The following WDR1 variants were observed in gnomAD, a reference collection of about 807,000 sequenced individuals.
WDR1 encodes the protein WD repeat-containing protein 1.
A neutral mutation model predicts 71.9 loss-of-function variants in WDR1; 21 were observed. The ratio of observed to expected loss-of-function variants is 0.29; its 90% CI spans 0.21 to 0.42. The LOEUF (loss-of-function observed/expected upper bound fraction) is 0.42, where lower values mean the gene tolerates loss of function less well. Among genes scored for constraint, WDR1 ranks in the 10% least tolerant of loss-of-function variants. The pLI, the probability that WDR1 is intolerant of heterozygous loss-of-function variation, is 1.00. For missense variants in WDR1, 696 were observed against 824.5 expected, an observed-to-expected ratio of 0.84 and a Z score of 1.91; for synonymous variants, 424 against 347.4, an observed-to-expected ratio of 1.22 and a Z score of -2.45.
intron 2 of WDR1, among the ~76,000 whole-genome samples, chr4:10,104,631 T>C (rs976343408): frequency 1.3e-5 from 2 of 152,206 alleles, no homozygotes; most frequent in South Asian, 4.1e-4. Flanking sequence ...GGTTTCAACA[T>C]GTAATGTGCT....
rs372890332 is a variant in WDR1, at chr4:10,083,144, G to C, written c.1074C>G (p.Ser358=). ...GGTTCGTGTGGCCTTTCCCAGCGAAGGAGTCGTTCTCCCCCGTCTCTGAAT... is the reference window on the plus strand; with the variant it reads ...GGTTCGTGTGGCCTTTCCCAGCGAACGAGTCGTTCTCCCCCGTCTCTGAAT... The part of the protein sequence containing the change: ...YWDSETGEND[S]FAGKGHTNQV... The change falls in exon 10 of 15, where the codon TCC becomes TCG. Residue 358 remains serine (S), a synonymous_variant. Coordinates refer to ENST00000499869, the MANE Select transcript of WDR1 (RefSeq NM_017491.5). The C allele has an allele frequency of 2.1e-5, 34 of 1,613,936 alleles. No individual in the cohort carries two copies. The South Asian group carries it at 2.9e-4, about 14-fold the overall frequency.
rs766415558 is a variant in WDR1, at chr4:10,098,963, G to A, written c.377+29C>T. 1.4e-5 allele frequency: 22 copies of A among 1,613,380 alleles called. No individual in the cohort carries two copies. The Admixed American group carries it at 3.0e-4, about 22-fold the overall frequency. On this transcript the variant is annotated intron_variant, in intron 4 of 14. Coordinates refer to ENST00000499869, the MANE Select transcript of WDR1 (RefSeq NM_017491.5). Reference sequence around the variant, plus strand: ...TGGACGCATGAGCCACAGCAACAGGGCAGGGAGGGGCTGAGAGGAGTGACT... The same window carrying A: ...TGGACGCATGAGCCACAGCAACAGGACAGGGAGGGGCTGAGAGGAGTGACT...
Position 10,103,930 on chromosome 4 carries a change from C to G in WDR1, c.195G>C (p.Lys65Asn). 1 of 1,601,490 alleles carries G rather than the reference C, an allele frequency of 6.2e-7. No individual in the cohort carries two copies. The highest frequency in any genetic ancestry group is 8.5e-7 in the Non-Finnish European group (1 of 1,174,364). ...CAATGTAGAATCCGCTGGGCGCATA[C>G]TTGGCCACCACCACCTGATGGGCGT... ...TEHAHQVVVA[K>N]YAPSGFYIAS... The change falls in exon 3 of 15, where the codon AAG (lysine) becomes AAC (asparagine). Residue 65 changes from lysine (K) to asparagine (N), a missense_variant. Lys to Asn is a moderately conservative substitution (Grantham distance 94, BLOSUM62 0). Transcript: ENST00000499869.
At chr4:10,114,138 T>C (rs1423542124) in intron 2 of WDR1, among the ~76,000 whole-genome samples, 1 of 152,198 alleles carries the variant, frequency 6.6e-6, no homozygotes. Context: ...ACTCAGTGCC[T>C]GATCTACATC....
At chr4:10,093,178 C>G in intron 5 of WDR1, 1 of 1,285,628 alleles carries the variant, frequency 7.8e-7, no homozygotes, top group Non-Finnish European at 1.0e-6. Context: ...CCTACCTAGT[C>G]AGCTCAGGAA....
rs549957697 is a variant in WDR1, at chr4:10,083,575, C to G, written c.1040-397G>C. 5 of 476,688 alleles carry G rather than the reference C, an allele frequency of 1.0e-5. No individual in the cohort carries two copies. In the East Asian group the frequency reaches 3.2e-4, roughly 31 times the overall value. 29.5% of individuals were successfully genotyped at this position (476,688 alleles called of 1,614,324 possible). A position where few individuals can be genotyped will look rare whatever the true frequency, so the allele number is the denominator to read the frequency against. ...CAGCCTGGGGGGACCTCCTTGGGTC[C>G]CGGACAGTCCCTTTGGGAGGTACAG... is the stretch of plus-strand genomic sequence containing the variant. On this transcript the variant is annotated intron_variant, in intron 9 of 14. Transcript: ENST00000499869.
At position 10,077,738 on chromosome 4, in the gene WDR1, C is replaced by T; in HGVS notation, c.1569+15G>A. On this transcript the variant is annotated intron_variant, in intron 13 of 14. Coordinates refer to ENST00000499869, the MANE Select transcript of WDR1 (RefSeq NM_017491.5). ...GCCCAGCACGGGGACAGAGGAGGAG[C>T]CCGCCGCCACTCACCGAGTAGCCGT... 2 of 1,557,336 alleles carry T rather than the reference C, an allele frequency of 1.3e-6. No individual in the cohort carries two copies. The highest frequency in any genetic ancestry group is 1.2e-5 in the South Asian group (1 of 83,244).
Position 10,116,179 on chromosome 4 carries a change from G to T in WDR1, c.72C>A (p.Gly24=), listed in dbSNP as rs773507877. 6.2e-7 allele frequency: 1 copy of T among 1,613,722 alleles called. No individual in the cohort carries two copies. Among genetic ancestry groups the T allele is most frequent in the Non-Finnish European group, 8.5e-7 (1 of 1,179,786 alleles). Residue 24 remains glycine (G), a synonymous_variant, in exon 2 of 15, where the codon GGC becomes GGA. Transcript: ENST00000499869. ...GAAAATTGTTGCCCTTAGGGTCGCC[G>T]CCGATGATCTTGGAGACGCCCCTCT... ...QVERGVSKII[G]GDPKGNNFLY...
chr4:10,087,627 C>CGG, intron 8 of WDR1, 80 bp downstream of exon 8: 4 of 1,375,670 alleles, frequency 2.9e-6, no homozygotes, highest in Non-Finnish European at 3.9e-6. Context: ...GGCTTCCCCT[C>CGG]GGTTCCCCTT....
chr4:10,108,965 C>T (rs1246513241), intron 2 of WDR1, among the ~76,000 whole-genome samples: 4 of 152,246 alleles, frequency 2.6e-5, no homozygotes, highest in African/African-American at 7.2e-5. Context: ...GGGGAAGGTT[C>T]ACACTTGATT....
chr4:10,081,424 A>AGTTTCACAACTCCTTGTCC lies in WDR1; in HGVS notation c.1198_1216dup (p.Leu406ArgfsTer83). On this transcript the variant is annotated frameshift_variant, in exon 11 of 15. Coordinates refer to ENST00000499869, the MANE Select transcript of WDR1 (RefSeq NM_017491.5). LOFTEE classifies it high-confidence loss of function. ...GGCTACGCACTTTGGCTGAACGTCC[A>AGTTTCACAACTCCTTGTCC]GTTTCACAACTCCTTGTCCGCTGTT... is the stretch of plus-strand genomic sequence containing the variant. 6.2e-7 allele frequency: 1 copy of AGTTTCACAACTCCTTGTCC among 1,613,938 alleles called. No homozygotes were observed. The highest frequency in any genetic ancestry group is 8.5e-7 in the Non-Finnish European group (1 of 1,179,872).
At chr4:10,113,792 G>A (rs765736407) in intron 2 of WDR1, among the ~76,000 whole-genome samples, 1 of 152,274 alleles carries the variant, frequency 6.6e-6, no homozygotes, top group African/African-American at 2.4e-5. Flanking sequence ...TGGCGCAGTA[G>A]CGAAGCAGAG....
intron 3 of WDR1, among the ~76,000 whole-genome samples, chr4:10,101,406 CT>C (rs1019407879): frequency 3.3e-5 from 5 of 152,216 alleles, no homozygotes; most frequent in South Asian, 2.1e-4. Context: ...AACCACCCCC[CT>C]ACCACACTAT....
chr4:10,115,139 C>T (rs1191517960), intron 2 of WDR1, among the ~76,000 whole-genome samples: 1 of 152,242 alleles, frequency 6.6e-6, no homozygotes, highest in Non-Finnish European at 1.5e-5. Context: ...TTTGTGCCAG[C>T]CGCCCCCACT....
chr4:10,086,239 T>A (rs1711541001), intron 8 of WDR1, among the ~76,000 whole-genome samples: 1 of 152,202 alleles, frequency 6.6e-6, no homozygotes, highest in Admixed American at 6.5e-5. Flanking sequence ...AACAACCTCC[T>A]CGGCCCCATG....
chr4:10,077,176 G>C lies in WDR1; in HGVS notation c.1714+128C>G. On this transcript the variant is annotated intron_variant, in intron 14 of 14. Transcript: ENST00000499869. Reference sequence around the variant, plus strand: ...ATGGAAGGAGACCCACAACTCTTCCGGGCCACCTGTCTAGAAGCACAGAGG... The same window carrying C: ...ATGGAAGGAGACCCACAACTCTTCCCGGCCACCTGTCTAGAAGCACAGAGG... 2 of 1,281,232 alleles carry C rather than the reference G, an allele frequency of 1.6e-6. 1 individual carries two copies. The highest frequency in any genetic ancestry group is 5.3e-5 in the Admixed American group (2 of 37,678). The allele number at this position is 1,281,232 out of a possible 1,614,324, so 79.4% of individuals were successfully genotyped here.
Position 10,082,137 on chromosome 4 carries a change from G to C in WDR1, c.1197-693C>G, listed in dbSNP as rs74763097. On this transcript the variant is annotated intron_variant, in intron 10 of 14. Coordinates refer to ENST00000499869, the MANE Select transcript of WDR1 (RefSeq NM_017491.5). ...CCACAGGGCAGTAGAAAGAGGACCA[G>C]GGCCCAGATGCCTGGGCTCTGGGGC... Among the ~76,000 whole-genome samples the C allele has an allele frequency of 5.0e-3, 764 of 152,290 alleles. 10 individuals carry two copies. The highest frequency in any genetic ancestry group is 0.017 in the African/African-American group (717 of 41,562).
chr4:10,111,284 T>G (rs2108805292), intron 2 of WDR1, among the ~76,000 whole-genome samples: 1 of 152,204 alleles, frequency 6.6e-6, no homozygotes, highest in South Asian at 2.1e-4. Flanking sequence ...AGTGCCACAG[T>G]AACAGCCCAT....
intron 3 of WDR1, among the ~76,000 whole-genome samples, chr4:10,100,898 A>G (rs1270698085): frequency 1.3e-5 from 2 of 152,232 alleles, no homozygotes; most frequent in Non-Finnish European, 2.9e-5. Context: ...ATGTCCACAC[A>G]TGCACATGTG....
Sources: gnomAD v4.1 joint callset for allele counts (sites outside exome capture counted in the v4.1 genomes callset) on GRCh38, gnomAD v4.1.1 for gene constraint, MANE v1.5 for transcripts, NCBI Gene and HGNC (gene_info 2026-07-23, HGNC 2026-07-21) for gene names.